THOC2: variants seen among roughly 807,000 people sequenced by gnomAD.
THOC2 encodes THO complex 2.
THOC2 carries 10 observed loss-of-function variants against 128.4 expected under a neutral mutation model. The ratio of observed to expected loss-of-function variants is 0.08; its 90% CI spans 0.05 to 0.13. THOC2 has a LOEUF of 0.13. THOC2 is among the 10% of genes least tolerant of loss of function. The pLI is 1.00. For missense variants in THOC2, 535 were observed against 1,155.7 expected (o/e 0.46, Z 7.79); for synonymous variants, 393 against 396.9 (o/e 0.99, Z 0.12).
chrX:123,720,362 C>A (rs2147979278), intron 1 of THOC2, among the ~76,000 whole-genome samples: 1 of 111,116 alleles, frequency 9.0e-6, no homozygotes, highest in African/African-American at 3.3e-5. Flanking sequence ...GCAGGAGAAT[C>A]ACTTGAGCCC....
At chrX:123,698,268 A>AC (rs943625161) in intron 4 of THOC2, among the ~76,000 whole-genome samples, 4 of 109,261 alleles carry the variant, frequency 3.7e-5, no homozygotes, top group African/African-American at 1.3e-4. Flanking sequence ...GACCAGCCTG[A>AC]CCAACATGGT....
chrX:123,653,116 C>A (rs1333176085), intron 12 of THOC2, among the ~76,000 whole-genome samples: 1 of 111,520 alleles, frequency 9.0e-6, no homozygotes, highest in East Asian at 2.8e-4. Flanking sequence ...AGAAATAACA[C>A]CACACATCTA....
At chrX:123,650,906 G>A (rs1450010325) in intron 12 of THOC2, among the ~76,000 whole-genome samples, 1 of 111,707 alleles carries the variant, frequency 9.0e-6, no homozygotes, top group Non-Finnish European at 1.9e-5. Flanking sequence ...CAACGACACA[G>A]AAAATTAACA....
intron 4 of THOC2, among the ~76,000 whole-genome samples, chrX:123,699,428 CAAT>C (rs1252528314): frequency 1.8e-5 from 2 of 111,917 alleles, no homozygotes; most frequent in Non-Finnish European, 3.8e-5. Context: ...ATGTAAATTA[CAAT>C]ACAATCTCAA....
chrX:123,703,846 G>A (rs1348615677), intron 3 of THOC2, among the ~76,000 whole-genome samples: 10 of 81,552 alleles, frequency 1.2e-4, no homozygotes, highest in African/African-American at 4.0e-4. Flanking sequence ...AGCCAAGATC[G>A]CACCACTGCA....
chrX:123,609,866 T>C (rs1041790224), intron 38 of THOC2, among the ~76,000 whole-genome samples: 1 of 109,299 alleles, frequency 9.1e-6, no homozygotes, highest in Non-Finnish European at 1.9e-5. Flanking sequence ...CCATCTCTAC[T>C]AAAAATACAA....
At chrX:123,688,450 G>A (rs2050093313) in intron 7 of THOC2, among the ~76,000 whole-genome samples, 1 of 111,561 alleles carries the variant, frequency 9.0e-6, no homozygotes, top group South Asian at 3.7e-4. Context: ...AGCAGATCAG[G>A]CCGGGCGTGG....
intron 1 of THOC2, among the ~76,000 whole-genome samples, chrX:123,720,956 A>C (rs2051666731): frequency 9.0e-6 from 1 of 111,678 alleles, no homozygotes; most frequent in Non-Finnish European, 1.9e-5. Flanking sequence ...AGTTCAGCTC[A>C]TAGAAGATGA....
intron 10 of THOC2, 108 bp from the exon 11 acceptor site, chrX:123,667,386 T>C (rs2049089656): frequency 1.9e-6 from 1 of 533,157 alleles, no homozygotes; most frequent in Non-Finnish European, 3.0e-6. Context: ...AAATATTTGC[T>C]ATTCATGGGA....
intron 30 of THOC2, 80 bp from the exon 31 acceptor site, chrX:123,621,667 G>A: frequency 2.5e-6 from 2 of 792,130 alleles, no homozygotes; most frequent in Non-Finnish European, 3.4e-6. Context: ...ATATCATAAA[G>A]GGTTTCTTAC....
intron 8 of THOC2, among the ~76,000 whole-genome samples, chrX:123,686,008 G>A (rs1481929465): frequency 9.0e-6 from 1 of 111,424 alleles, no homozygotes; most frequent in Non-Finnish European, 1.9e-5. Context: ...GTCTGGGTGA[G>A]ATCCCATCTC....
At position 123,623,300 on chromosome X, in the gene THOC2, G is replaced by T; in HGVS notation, c.3504-17C>A. 3 of 1,156,523 alleles carry T rather than the reference G, an allele frequency of 2.6e-6. No homozygotes were observed. The highest frequency in any genetic ancestry group is 4.2e-5 in the South Asian group (2 of 47,401). On this transcript the variant is annotated splice_polypyrimidine_tract_variant and intron_variant, in intron 28 of 38. Coordinates refer to ENST00000245838, the MANE Select transcript of THOC2 (RefSeq NM_001081550.2). ...CCAGAGTAGCTGAAAGTCGCACAAAGTGTTTAAATATACAAACACAAATCA... is the reference window on the plus strand; with the variant it reads ...CCAGAGTAGCTGAAAGTCGCACAAATTGTTTAAATATACAAACACAAATCA...
chrX:123,624,782 T>C (rs1369510768), intron 25 of THOC2, 113 bp from the exon 26 acceptor site: 1 of 694,642 alleles, frequency 1.4e-6, no homozygotes, highest in East Asian at 3.4e-5. Context: ...CTAGTCAAAA[T>C]GTATATTCCC....
chrX:123,663,676 T>G (rs1033161764), intron 12 of THOC2, among the ~76,000 whole-genome samples: 2 of 109,244 alleles, frequency 1.8e-5, no homozygotes, highest in African/African-American at 3.3e-5. Context: ...AATGTGCAGG[T>G]TGGTTACATA....
At chrX:123,645,038 C>T in intron 13 of THOC2, 129 bp from the exon 14 acceptor site, 1 of 546,651 alleles carries the variant, frequency 1.8e-6, no homozygotes, top group African/African-American at 2.4e-5. Context: ...ATTCCTCACC[C>T]ACCCTTTTCA....
intron 38 of THOC2, chrX:123,603,560 A>C (rs1354235181): frequency 2.2e-6 from 2 of 892,555 alleles, no homozygotes; most frequent in Non-Finnish European, 3.3e-6. Context: ...ATGTTCTGAA[A>C]ATCAGTGACT....
intron 7 of THOC2, among the ~76,000 whole-genome samples, chrX:123,690,560 A>G (rs961905456): frequency 1.8e-5 from 2 of 111,846 alleles, no homozygotes; most frequent in Non-Finnish European, 3.8e-5. Flanking sequence ...ACTAGGGGCA[A>G]GAAATATGAT....
chrX:123,643,741 A>C (rs1245286927), intron 15 of THOC2, among the ~76,000 whole-genome samples: 2 of 110,512 alleles, frequency 1.8e-5, no homozygotes, highest in Non-Finnish European at 3.8e-5. Flanking sequence ...GGAAAAAAAA[A>C]AAAAAACAAC....
At chrX:123,691,521 A>G (rs2050220566) in intron 7 of THOC2, among the ~76,000 whole-genome samples, 1 of 111,434 alleles carries the variant, frequency 9.0e-6, no homozygotes. Context: ...AAAAATAAAA[A>G]TCGTTTGGCT....
Sources: allele counts gnomAD v4.1 joint callset (sites outside exome capture counted in the v4.1 genomes callset), GRCh38; gene constraint gnomAD v4.1.1; transcripts MANE v1.5; gene names NCBI Gene and HGNC (gene_info 2026-07-23, HGNC 2026-07-21).